TFE3: variants seen among roughly 807,000 people sequenced by gnomAD.
TFE3 encodes the protein transcription factor binding to IGHM enhancer 3, also known as transcription factor E3.
In TFE3, 5 loss-of-function variants were observed where a neutral mutation model predicts 35.0. The ratio of observed to expected loss-of-function variants is 0.14; its 90% CI spans 0.07 to 0.30. TFE3 has a LOEUF of 0.30. Ranked by LOEUF, TFE3 falls within the 10% of genes least tolerant of loss-of-function variation. The pLI, the probability that TFE3 is intolerant of heterozygous loss-of-function variation, is 1.00. For synonymous variants in TFE3, 211 were observed against 215.6 expected, an observed-to-expected ratio of 0.98 and a Z score of 0.18; for missense variants, 374 against 496.6, an observed-to-expected ratio of 0.75 and a Z score of 2.35.
rs2147778270 is a variant in TFE3 at position 49,040,503 on chromosome X, G to A, written c.182C>T (p.Pro61Leu). ...GCTTTTGAGCTCGTAGAAGCTGTCA[G>A]GATCAAGGACGTTTTCTAATTCTAT... ...ADIELENVLD[P>L]DSFYELKSQP... Residue 61 changes from proline to leucine, a missense_variant, in exon 2 of 10, where the codon CCT (proline) becomes CTT (leucine). Coordinates refer to ENST00000315869, the MANE Select transcript of TFE3 (RefSeq NM_006521.6). 11 of 1,211,339 alleles carry A rather than the reference G, an allele frequency of 9.1e-6. No individual in the cohort carries two copies. Among genetic ancestry groups the A allele is most frequent in the Non-Finnish European group, 1.2e-5 (11 of 895,293 alleles).
At chrX:49,032,743 T>C (rs1226161057) in intron 8 of TFE3, among the ~76,000 whole-genome samples, 1 of 108,394 alleles carries the variant, frequency 9.2e-6, no homozygotes, top group Non-Finnish European at 1.9e-5. Flanking sequence ...GGCACCATAT[T>C]GGCTCACTGC....
Position 49,029,929 on chromosome X carries a change from TCTC to T in TFE3, c.*226_*228del. The T allele has an allele frequency of 1.9e-6, 1 of 514,000 alleles. No individual in the cohort carries two copies. The allele number at this position is 514,000 out of a possible 1,213,427, so 42.4% of individuals were successfully genotyped here. A position where few individuals can be genotyped will look rare whatever the true frequency, so the allele number is the denominator to read the frequency against. On this transcript the variant is annotated 3_prime_UTR_variant, in exon 10 of 10. Transcript: ENST00000315869. ...CTGATCTCATGTCCTTCTCCAGCCT[TCTC>T]CTTCTGAAATACCTGCACTGGGCGG...
chrX:49,034,006 A>T (rs1321173666), intron 6 of TFE3, 128 bp downstream of exon 6: 7 of 644,716 alleles, frequency 1.1e-5, no homozygotes, highest in Admixed American at 2.8e-5. Context: ...GGGAAAGGGG[A>T]CAAACAGCCT....
chrX:49,038,223 T>C lies in TFE3; in HGVS notation c.754A>G (p.Thr252Ala), dbSNP rs2064741116. Residue 252 changes from threonine (T) to alanine (A), a missense_variant, in exon 4 of 10, where the codon ACC (threonine) becomes GCC (alanine). By Grantham distance (58) the Thr-to-Ala change is moderately conservative. Around this residue, in one of 3 missense-constraint regions of TFE3, gnomAD observed 167 missense variants for 297.2 expected, o/e 0.56. Transcript: ENST00000315869. ...SAPNSPMALL[T>A]IGSSSEKEID... ...TCCTTCTCTGAGCTGGACCCGATGG[T>C]GAGCAGCGCCATGGGGCTGTTGGGC... is the stretch of plus-strand genomic sequence containing the variant. The C allele has an allele frequency of 8.3e-7, 1 of 1,211,220 alleles. No homozygotes were observed. The highest frequency in any genetic ancestry group is 1.7e-5 in the African/African-American group (1 of 57,829).
rs1397585482 is a variant in TFE3, at chrX:49,029,353, GT to G, written c.*804del. ...TCAGAGCCCTCCTAGGTTAGGTCAG[GT>G]TGGTCCCAGGTTAAGGCAGGGGAGC... On this transcript the variant is annotated 3_prime_UTR_variant, in exon 10 of 10. Transcript: ENST00000315869. The G allele has an allele frequency of 1.0e-5, 2 of 192,703 alleles. No individual in the cohort carries two copies. Among genetic ancestry groups the G allele is most frequent in the African/African-American group, 5.7e-5 (2 of 35,396 alleles). The allele number at this position is 192,703 out of a possible 1,213,427, so 15.9% of individuals were successfully genotyped here.
Position 49,038,004 on chromosome X carries a change from C to T in TFE3, c.885+6G>A. On this transcript the variant is annotated splice_donor_region_variant and intron_variant, in intron 5 of 9. Transcript: ENST00000315869. ...TTCAGACCAACCTCCCATCTCAGGG[C>T]CTCACCGTGCTGGGGAGCTGCAGTC... is the stretch of plus-strand genomic sequence containing the variant. 8.4e-7 allele frequency: 1 copy of T among 1,190,121 alleles called. No homozygotes were observed. The highest frequency in any genetic ancestry group is 1.1e-6 in the Non-Finnish European group (1 of 882,430).
intron 5 of TFE3, among the ~76,000 whole-genome samples, chrX:49,036,682 G>T (rs896638607): frequency 7.3e-5 from 8 of 109,551 alleles, no homozygotes; most frequent in Non-Finnish European, 1.3e-4. Context: ...CGCGCCTGTA[G>T]TCCCAGTTAC....
chrX:49,039,593 T>G (rs782700190), intron 2 of TFE3, 183 bp from the exon 3 acceptor site: 4 of 444,344 alleles, frequency 9.0e-6, no homozygotes, highest in African/African-American at 2.5e-5. Context: ...GGTCACAGTC[T>G]GATGGGGGAC....
At chrX:49,032,963 G>A (rs1182540211) in intron 8 of TFE3, among the ~76,000 whole-genome samples, 1 of 111,179 alleles carries the variant, frequency 9.0e-6, no homozygotes, top group Non-Finnish European at 1.9e-5. Context: ...ACTGCACCTG[G>A]CTAATTTTTG....
intron 5 of TFE3, among the ~76,000 whole-genome samples, 195 bp from the exon 6 acceptor site, chrX:49,034,446 G>C (rs782370157): frequency 8.9e-6 from 1 of 112,004 alleles, no homozygotes; most frequent in East Asian, 2.8e-4. Context: ...AGGGAGGACA[G>C]AGCAAACTGG....
Position 49,034,270 on chromosome X carries a change from G to A in TFE3, c.886-19C>T, listed in dbSNP as rs2064716018. Reference sequence around the variant, plus strand: ...CAGGCAGCTGGGGGCAGAGAGGGCAGAGAACCACCAGTTGGGAACAAACCC... The same window carrying A: ...CAGGCAGCTGGGGGCAGAGAGGGCAAAGAACCACCAGTTGGGAACAAACCC... On this transcript the variant is annotated intron_variant, in intron 5 of 9. Coordinates refer to ENST00000315869, the MANE Select transcript of TFE3 (RefSeq NM_006521.6). 3.8e-6 allele frequency: 4 copies of A among 1,052,458 alleles called. No individual in the cohort carries two copies. In the South Asian group the frequency reaches 6.0e-5, roughly 16 times the overall value. The allele number at this position is 1,052,458 out of a possible 1,213,427, so 86.7% of individuals were successfully genotyped here. A position where few individuals can be genotyped will look rare whatever the true frequency, so the allele number is the denominator to read the frequency against.
At chrX:49,031,029 G>A (rs1557073637) in intron 9 of TFE3, among the ~76,000 whole-genome samples, 3 of 110,330 alleles carry the variant, frequency 2.7e-5, no homozygotes, top group African/African-American at 9.9e-5. Context: ...AGGTTGCGGT[G>A]AGCCGAGATT....
chrX:49,041,666 A>G (rs1305261064), intron 1 of TFE3, among the ~76,000 whole-genome samples: 2 of 111,272 alleles, frequency 1.8e-5, no homozygotes, highest in Non-Finnish European at 3.8e-5. Flanking sequence ...ATAAGAAGCC[A>G]TATACACCCA....
intron 4 of TFE3, 36 bp from the exon 5 acceptor site, chrX:49,038,150 G>A (rs1557075062): frequency 8.3e-7 from 1 of 1,211,812 alleles, no homozygotes; most frequent in South Asian, 1.8e-5. Flanking sequence ...AGGTTTAGAA[G>A]AATTTGGGAG....
At chrX:49,040,596 T>C in intron 1 of TFE3, 28 bp from the exon 2 acceptor site, 6 of 1,043,893 alleles carry the variant, frequency 5.7e-6, no homozygotes, top group Non-Finnish European at 8.1e-6. Context: ...TGGTGGTCAG[T>C]GATTGAATGA....
rs782656388 is a variant in TFE3 at position 49,033,709 on chromosome X, C to T, written c.1060+17G>A. ...GCCTGCACAGCACCCGGGCAATGCA[C>T]ACGCTCTCTGGCTTACTTAGGTTGT... On this transcript the variant is annotated intron_variant, in intron 7 of 9. Transcript: ENST00000315869. 1.9e-5 allele frequency: 23 copies of T among 1,209,386 alleles called. No homozygotes were observed. The Admixed American group carries it at 5.0e-4, about 26-fold the overall frequency.
rs1557075836 is a variant in TFE3 at position 49,042,025 on chromosome X, C to G, written c.116+1086G>C. Among the ~76,000 whole-genome samples, 4 of 110,570 alleles carry G rather than the reference C, an allele frequency of 3.6e-5. No homozygotes were observed. The East Asian group carries it at 1.1e-3, about 31-fold the overall frequency. ...GCACAAAGGAGGCAAAGACCCCCCCCCACCCAGGGCTCACACACCCATTGC... is the reference window on the plus strand; with the variant it reads ...GCACAAAGGAGGCAAAGACCCCCCCGCACCCAGGGCTCACACACCCATTGC... On this transcript the variant is annotated intron_variant, in intron 1 of 9. Coordinates refer to ENST00000315869, the MANE Select transcript of TFE3 (RefSeq NM_006521.6).
chrX:49,037,699 G>GAAAA, intron 5 of TFE3: 3 of 96,392 alleles, frequency 3.1e-5, no homozygotes, highest in Admixed American at 1.6e-4. Context: ...ACTCCGTCTC[G>GAAAA]AAAAAAAAAA....
chrX:49,040,590 G>A lies in TFE3; in HGVS notation c.117-22C>T, dbSNP rs781929644. On this transcript the variant is annotated intron_variant, in intron 1 of 9. Transcript: ENST00000315869. The stretch of plus-strand genomic sequence containing the variant: ...CAGGCTGAGGGGGAGGTGGAGTGGT[G>A]GTCAGTGATTGAATGAAGGACCTTA... The A allele has an allele frequency of 9.3e-6, 10 of 1,076,665 alleles. No homozygotes were observed. In the Admixed American group the frequency reaches 2.2e-4, roughly 24 times the overall value. The allele number at this position is 1,076,665 out of a possible 1,213,427, so 88.7% of individuals were successfully genotyped here. A position where few individuals can be genotyped will look rare whatever the true frequency, so the allele number is the denominator to read the frequency against.
Sources: allele counts gnomAD v4.1 joint callset (sites outside exome capture counted in the v4.1 genomes callset), GRCh38; gene constraint gnomAD v4.1.1; regional missense constraint gnomAD v4.1.1; transcripts MANE v1.5; gene names NCBI Gene and HGNC (gene_info 2026-07-23, HGNC 2026-07-21).